Variants in CDH18 observed in about 807,000 individuals in gnomAD.
The protein encoded by CDH18 is cadherin 18.
CDH18 carries 31 observed loss-of-function variants against 67.9 expected under a neutral mutation model. The ratio of observed to expected loss-of-function variants is 0.46; its 90% CI spans 0.34 to 0.62. CDH18 has a LOEUF of 0.62. Ranked by LOEUF, CDH18 falls within the 20% of genes least tolerant of loss-of-function variation. The pLI, the probability that CDH18 is intolerant of heterozygous loss-of-function variation, is 0.01. For synonymous variants in CDH18, 362 were observed against 347.2 expected, an observed-to-expected ratio of 1.04 and a Z score of -0.48; for missense variants, 890 against 975.5, an observed-to-expected ratio of 0.91 and a Z score of 1.17.
chr5:19,536,043 A>G (rs1749360727), intron 9 of CDH18, among the ~76,000 whole-genome samples: 1 of 152,304 alleles, frequency 6.6e-6, no homozygotes, highest in Admixed American at 6.5e-5. Flanking sequence ...TGGAGAAACT[A>G]GGAGCAAATT....
chr5:20,398,142 A>G (rs1365450378), intron 1 of CDH18, among the ~76,000 whole-genome samples: 2 of 152,166 alleles, frequency 1.3e-5, no homozygotes, highest in Non-Finnish European at 2.9e-5. Context: ...ATCATTTTAA[A>G]TAAAATACAC....
chr5:20,145,210 T>C (rs1390205713), intron 2 of CDH18, among the ~76,000 whole-genome samples: 1 of 152,178 alleles, frequency 6.6e-6, no homozygotes, highest in Non-Finnish European at 1.5e-5. Context: ...TTTTAGTTTA[T>C]TTTTGATATA....
chr5:19,860,263 C>T (rs1784752893), intron 2 of CDH18, among the ~76,000 whole-genome samples: 1 of 151,986 alleles, frequency 6.6e-6, no homozygotes, highest in African/African-American at 2.4e-5. Context: ...CCATTGCATC[C>T]AGTGTTGCTA....
At chr5:20,086,286 A>G (rs1440623241) in intron 2 of CDH18, among the ~76,000 whole-genome samples, 1 of 152,238 alleles carries the variant, frequency 6.6e-6, no homozygotes, top group Non-Finnish European at 1.5e-5. Flanking sequence ...TGAAGTTAGA[A>G]ATCATTGGTT....
intron 2 of CDH18, among the ~76,000 whole-genome samples, chr5:20,221,850 T>C (rs1741252700): frequency 6.6e-6 from 1 of 152,194 alleles, no homozygotes; most frequent in African/African-American, 2.4e-5. Context: ...TCCAGGACCT[T>C]TTCCAAAGTT....
chr5:20,452,723 A>G (rs1282222298), intron 1 of CDH18, among the ~76,000 whole-genome samples: 1 of 152,104 alleles, frequency 6.6e-6, no homozygotes. Context: ...AAGTTTACCT[A>G]TATAACAAAC....
chr5:20,435,469 A>G (rs528552342), intron 1 of CDH18, among the ~76,000 whole-genome samples: 2 of 152,058 alleles, frequency 1.3e-5, no homozygotes, highest in East Asian at 1.9e-4. Context: ...CCCCAACCTC[A>G]GGCCTGCAAA....
intron 1 of CDH18, among the ~76,000 whole-genome samples, chr5:20,475,548 A>G (rs770959616): frequency 5.9e-5 from 9 of 152,210 alleles, no homozygotes; most frequent in Non-Finnish European, 8.8e-5. Flanking sequence ...TTTGACATAT[A>G]GGAAAGCCAT....
At chr5:19,636,976 C>T (rs955534251) in intron 5 of CDH18, among the ~76,000 whole-genome samples, 1 of 152,114 alleles carries the variant, frequency 6.6e-6, no homozygotes, top group African/African-American at 2.4e-5. Context: ...AGAATACTGT[C>T]TCCTCTCAAG....
intron 5 of CDH18, among the ~76,000 whole-genome samples, chr5:19,618,820 T>G (rs903548453): frequency 4.6e-5 from 7 of 152,176 alleles, no homozygotes; most frequent in African/African-American, 1.7e-4. Context: ...TTCTCATATT[T>G]CATTGGAGGA....
intron 1 of CDH18, among the ~76,000 whole-genome samples, chr5:20,276,698 C>G (rs1745838775): frequency 6.6e-6 from 1 of 152,132 alleles, no homozygotes; most frequent in African/African-American, 2.4e-5. Flanking sequence ...AGGTATAGAG[C>G]ACTAAGCAGG....
intron 1 of CDH18, among the ~76,000 whole-genome samples, chr5:20,492,334 T>TG (rs1753644171): frequency 6.6e-6 from 1 of 152,168 alleles, no homozygotes; most frequent in Non-Finnish European, 1.5e-5. Flanking sequence ...AAATGAAAAT[T>TG]GGCTGAATAT....
At chr5:20,543,737 A>C (rs1456779212) in intron 1 of CDH18, among the ~76,000 whole-genome samples, 1 of 152,160 alleles carries the variant, frequency 6.6e-6, no homozygotes, top group East Asian at 1.9e-4. Flanking sequence ...CTCTCTGATT[A>C]CTTTGATCTT....
At chr5:20,373,651 A>G (rs1428511872) in intron 1 of CDH18, among the ~76,000 whole-genome samples, 1 of 151,594 alleles carries the variant, frequency 6.6e-6, no homozygotes, top group African/African-American at 2.4e-5. Context: ...ATATAAATAA[A>G]TAAATAAATA....
chr5:19,550,269 T>C (rs1212883325), intron 8 of CDH18, among the ~76,000 whole-genome samples: 2 of 152,104 alleles, frequency 1.3e-5, no homozygotes, highest in East Asian at 1.9e-4. Context: ...TTTTTATTAT[T>C]ATTATTATTA....
At chr5:20,239,104 T>G (rs1217360860) in intron 2 of CDH18, among the ~76,000 whole-genome samples, 1 of 152,164 alleles carries the variant, frequency 6.6e-6, no homozygotes, top group Non-Finnish European at 1.5e-5. Context: ...GTAATAATGA[T>G]GCTTAACACA....
chr5:19,741,500 A>AT (rs1376177122), intron 4 of CDH18, among the ~76,000 whole-genome samples: 2 of 151,820 alleles, frequency 1.3e-5, no homozygotes, highest in Non-Finnish European at 2.9e-5. Context: ...TCTTCCTTTT[A>AT]TGGGTGCAAA....
chr5:19,952,708 G>C (rs1477778012), intron 2 of CDH18, among the ~76,000 whole-genome samples: 1 of 151,960 alleles, frequency 6.6e-6, no homozygotes, highest in African/African-American at 2.4e-5. Context: ...CATAGAACTG[G>C]CCACTATATA....
At chr5:19,944,343 T>C (rs545201291) in intron 2 of CDH18, among the ~76,000 whole-genome samples, 3 of 152,136 alleles carry the variant, frequency 2.0e-5, no homozygotes, top group African/African-American at 4.8e-5. Flanking sequence ...AAAGAAACTA[T>C]ATATTTAATT....
Sources: allele counts gnomAD v4.1 joint callset (sites outside exome capture counted in the v4.1 genomes callset), GRCh38; gene constraint gnomAD v4.1.1; transcripts MANE v1.5; gene names NCBI Gene and HGNC (gene_info 2026-07-23, HGNC 2026-07-21).